TMEM132B: variants seen among roughly 807,000 people sequenced by gnomAD.
TMEM132B encodes the protein transmembrane protein 132B.
In TMEM132B, 18 loss-of-function variants were observed where a neutral mutation model predicts 90.8. The observed-to-expected ratio is 0.20, with a 90% CI of 0.14 to 0.29. The LOEUF (loss-of-function observed/expected upper bound fraction) is 0.29. TMEM132B is among the 10% of genes least tolerant of loss of function. The pLI is 1.00. For synonymous variants in TMEM132B, 504 were observed against 523.3 expected (o/e 0.96, Z 0.50); for missense variants, 1,096 against 1,326.8 (o/e 0.83, Z 2.70).
chr12:125,550,381 T>G (rs2136757365), intron 4 of TMEM132B, among the ~76,000 whole-genome samples: 1 of 152,342 alleles, frequency 6.6e-6, no homozygotes, highest in South Asian at 2.1e-4. Context: ...TCATTTATAG[T>G]TATCCATCTT....
intron 1 of TMEM132B, among the ~76,000 whole-genome samples, chr12:125,188,332 C>T (rs568799937): frequency 2.6e-5 from 4 of 152,244 alleles, no homozygotes; most frequent in African/African-American, 4.8e-5. Flanking sequence ...CTGCTGGGGC[C>T]GAGGCTGTTT....
intron 4 of TMEM132B, among the ~76,000 whole-genome samples, chr12:125,538,580 A>G (rs1284058153): frequency 6.6e-6 from 1 of 152,206 alleles, no homozygotes; most frequent in Non-Finnish European, 1.5e-5. Context: ...CGTGGGCTGA[A>G]TGCTTAATGA....
Position 125,460,563 on chromosome 12 carries a change from G to T in TMEM132B, c.1106+44886G>T, listed in dbSNP as rs1455428125. On this transcript the variant is annotated intron_variant, in intron 3 of 8. Transcript: ENST00000682704. This position sits in a 1 kb window ranked among gnomAD's most constrained non-coding sequence, Gnocchi z 4.4. ...TCTTAATTTTCGTTCTTAAGCTAAA[G>T]AAATCATCTCTCCTTCAGTCCAACG... Among the ~76,000 whole-genome samples, 1 of 152,168 alleles carries T rather than the reference G, an allele frequency of 6.6e-6. No individual in the cohort carries two copies. Among genetic ancestry groups the T allele is most frequent in the Non-Finnish European group, 1.5e-5 (1 of 68,016 alleles).
chr12:125,396,101 C>T (rs1229427323), intron 2 of TMEM132B, among the ~76,000 whole-genome samples: 1 of 152,202 alleles, frequency 6.6e-6, no homozygotes, highest in Non-Finnish European at 1.5e-5. Context: ...GGAGTCAGCC[C>T]AGCATGAACT....
chr12:125,529,823 G>A (rs998051482), intron 4 of TMEM132B, among the ~76,000 whole-genome samples: 6 of 152,234 alleles, frequency 3.9e-5, no homozygotes, highest in Admixed American at 3.9e-4. Context: ...AAACATCACA[G>A]ATAAGTGCCC....
chr12:125,212,309 C>T (rs1050279459), intron 1 of TMEM132B, among the ~76,000 whole-genome samples: 13 of 148,208 alleles, frequency 8.8e-5, no homozygotes, highest in Non-Finnish European at 1.5e-5. Flanking sequence ...GGTACTTTTC[C>T]TGTTTAGTCG....
chr12:125,300,214 C>A (rs1314105412), intron 1 of TMEM132B, among the ~76,000 whole-genome samples: 1 of 151,854 alleles, frequency 6.6e-6, no homozygotes, highest in Admixed American at 6.5e-5. Flanking sequence ...TTTTTTGGTA[C>A]ATGTAGAGAT....
intron 3 of TMEM132B, among the ~76,000 whole-genome samples, chr12:125,442,193 A>G (rs1353038043): frequency 6.6e-6 from 1 of 152,246 alleles, no homozygotes; most frequent in East Asian, 1.9e-4. Flanking sequence ...TTCAGGAGAG[A>G]ACATTGCTGT....
intron 1 of TMEM132B, among the ~76,000 whole-genome samples, chr12:125,270,412 A>G (rs991177605): frequency 6.6e-6 from 1 of 152,184 alleles, no homozygotes; most frequent in Non-Finnish European, 1.5e-5. Flanking sequence ...TGAACTTATT[A>G]TGTTAACTTG....
intron 1 of TMEM132B, among the ~76,000 whole-genome samples, chr12:125,333,112 C>T (rs1369193846): frequency 6.6e-6 from 1 of 152,156 alleles, no homozygotes; most frequent in East Asian, 1.9e-4. Context: ...GGCCGGTTTT[C>T]CAGCTTTTGG....
At position 125,236,631 on chromosome 12, in the gene TMEM132B, C is replaced by T. The variant is rs143015471; in HGVS notation, c.67+49765C>T. ...ACGGTGCTACCTTAGAGCCTCCCCA[C>T]TGCTGCCCCTGGGACAGAGTCCTGG... On this transcript the variant is annotated intron_variant, in intron 1 of 8. Coordinates refer to ENST00000682704, the MANE Select transcript of TMEM132B (RefSeq NM_001366854.1). Among the ~76,000 whole-genome samples the T allele has an allele frequency of 3.0e-4, 46 of 152,346 alleles. 1 individual carries two copies. Among genetic ancestry groups the T allele is most frequent in the African/African-American group, 1.1e-3 (44 of 41,572 alleles).
chr12:125,281,020 G>A (rs1875153049), intron 1 of TMEM132B, among the ~76,000 whole-genome samples: 1 of 152,174 alleles, frequency 6.6e-6, no homozygotes, highest in Non-Finnish European at 1.5e-5. Flanking sequence ...TCTCTGTGAG[G>A]GAACGCTGGG....
chr12:125,392,149 T>C (rs1566021514), intron 2 of TMEM132B, among the ~76,000 whole-genome samples: 1 of 152,208 alleles, frequency 6.6e-6, no homozygotes, highest in East Asian at 1.9e-4. Context: ...AAGAAAATAA[T>C]ATTTTTTTTG....
intron 3 of TMEM132B, among the ~76,000 whole-genome samples, chr12:125,475,354 T>G (rs771332706): frequency 6.6e-6 from 1 of 152,132 alleles, no homozygotes; most frequent in Non-Finnish European, 1.5e-5. Flanking sequence ...ATGGAGAAAA[T>G]AGGCTTGTGA....
intron 5 of TMEM132B, among the ~76,000 whole-genome samples, chr12:125,593,617 C>T (rs1436371388): frequency 6.6e-6 from 1 of 152,108 alleles, no homozygotes; most frequent in Non-Finnish European, 1.5e-5. Flanking sequence ...CTCTATTTCC[C>T]AGAGACATAC....
rs528701844 is a variant in TMEM132B at position 125,328,258 on chromosome 12, C to T, written c.68-21194C>T. On this transcript the variant is annotated intron_variant, in intron 1 of 8. Transcript: ENST00000682704. ...AGCCCTGAAGGATGTGCCCTTTCCTCCCTTTCCAGCCCAGCACGGTGCCCT... is the reference window on the plus strand; with the variant it reads ...AGCCCTGAAGGATGTGCCCTTTCCTTCCTTTCCAGCCCAGCACGGTGCCCT... 1.2e-4 allele frequency among the ~76,000 whole-genome samples: 18 copies of T among 152,344 alleles called. No individual in the cohort carries two copies. In the South Asian group the frequency reaches 3.7e-3, roughly 32 times the overall value.
chr12:125,294,197 G>A (rs1247837598), intron 1 of TMEM132B, among the ~76,000 whole-genome samples: 1 of 152,204 alleles, frequency 6.6e-6, no homozygotes, highest in African/African-American at 2.4e-5. Context: ...AAGCTCCTGT[G>A]AGCTATAATA....
chr12:125,191,802 C>G (rs1056642160), intron 1 of TMEM132B, among the ~76,000 whole-genome samples: 11 of 149,782 alleles, frequency 7.3e-5, no homozygotes, highest in African/African-American at 2.7e-4. Context: ...GAATTTTGGT[C>G]TCATGCACTG....
intron 3 of TMEM132B, among the ~76,000 whole-genome samples, chr12:125,484,135 A>G (rs1051787243): frequency 2.0e-5 from 3 of 152,112 alleles, no homozygotes; most frequent in African/African-American, 7.2e-5. Flanking sequence ...CCTGGCCTCA[A>G]GTGATCTGCC....
Sources: gnomAD v4.1 joint callset for allele counts (sites outside exome capture counted in the v4.1 genomes callset) on GRCh38, gnomAD v4.1.1 for gene constraint, Gnocchi (gnomAD v3.1) non-coding constraint, MANE v1.5 for transcripts, NCBI Gene and HGNC (gene_info 2026-07-23, HGNC 2026-07-21) for gene names.